ZNF280D: variants seen among roughly 807,000 people sequenced by gnomAD.
The protein encoded by ZNF280D is zinc finger protein 280D.
ZNF280D carries 39 observed loss-of-function variants against 94.7 expected under a neutral mutation model. The observed-to-expected ratio is 0.41, with a 90% CI of 0.32 to 0.54. The LOEUF is 0.54. Ranked by LOEUF, ZNF280D falls within the 20% of genes least tolerant of loss-of-function variation. The pLI is 0.22. For synonymous variants in ZNF280D, 398 were observed against 377.6 expected, an observed-to-expected ratio of 1.05 and a Z score of -0.63; for missense variants, 1,090 against 1,149.3, an observed-to-expected ratio of 0.95 and a Z score of 0.75.
intron 3 of ZNF280D, among the ~76,000 whole-genome samples, chr15:56,704,746 C>T (rs769022990): frequency 6.6e-6 from 1 of 151,980 alleles, no homozygotes. Context: ...TTTGGGAAGC[C>T]GAGACAGACA....
At chr15:56,641,861 T>C (rs546148391) in intron 20 of ZNF280D, among the ~76,000 whole-genome samples, 5 of 151,816 alleles carry the variant, frequency 3.3e-5, no homozygotes, top group Admixed American at 3.3e-4. Context: ...AAGGTAAATA[T>C]AAAGCTAATT....
intron 19 of ZNF280D, among the ~76,000 whole-genome samples, chr15:56,647,156 G>T (rs1396682346): frequency 2.6e-5 from 4 of 152,144 alleles, no homozygotes; most frequent in South Asian, 2.1e-4. Context: ...GGTCTGTATT[G>T]GTAGAAGACA....
In ZNF280D at chr15:56,630,321, C is replaced by A. The variant is rs2052029514; in HGVS notation, c.*1177G>T. On this transcript the variant is annotated 3_prime_UTR_variant, in exon 22 of 22. Coordinates refer to ENST00000267807, the MANE Select transcript of ZNF280D (RefSeq NM_017661.4). ...CACATTTTAAGAAGTAAAAATGAAG[C>A]ATTTTAAATAAAAGTTTATTAGTAT... The A allele has an allele frequency of 6.6e-6, 1 of 152,002 alleles. No homozygotes were observed. Among genetic ancestry groups the A allele is most frequent in the Admixed American group, 6.6e-5 (1 of 15,262 alleles). 9.4% of individuals were successfully genotyped at this position (152,002 alleles called of 1,614,324 possible).
intron 1 of ZNF280D, among the ~76,000 whole-genome samples, chr15:56,708,813 A>G (rs1166436409): frequency 1.3e-5 from 2 of 152,180 alleles, no homozygotes; most frequent in Admixed American, 6.5e-5. Flanking sequence ...ATATGTAGAA[A>G]GCTGAAACTG....
intron 1 of ZNF280D, among the ~76,000 whole-genome samples, chr15:56,721,110 G>T (rs1193241110): frequency 1.3e-5 from 2 of 151,938 alleles, no homozygotes; most frequent in Non-Finnish European, 2.9e-5. Context: ...CTACAGGCAT[G>T]CACCACCACG....
chr15:56,725,340 C>A (rs2058578637), intron 1 of ZNF280D, among the ~76,000 whole-genome samples: 1 of 151,700 alleles, frequency 6.6e-6, no homozygotes, highest in Admixed American at 6.6e-5. Flanking sequence ...GTCCAGAAAC[C>A]CCAAACCTGA....
At chr15:56,658,360 T>G in intron 17 of ZNF280D, 64 bp downstream of exon 17, 2 of 1,239,038 alleles carry the variant, frequency 1.6e-6, no homozygotes, top group South Asian at 2.7e-5. Context: ...AGCTGTTGTG[T>G]TAAAAAAAAT....
intron 1 of ZNF280D, among the ~76,000 whole-genome samples, chr15:56,725,412 T>C (rs1411692252): frequency 6.6e-6 from 1 of 152,152 alleles, no homozygotes; most frequent in Non-Finnish European, 1.5e-5. Flanking sequence ...CAGCACATAT[T>C]AATATATTTT....
intron 7 of ZNF280D, among the ~76,000 whole-genome samples, chr15:56,692,607 G>A (rs558116905): frequency 2.6e-5 from 4 of 152,166 alleles, no homozygotes; most frequent in African/African-American, 9.6e-5. Context: ...TACTTACTAT[G>A]TACAAATCAC....
At chr15:56,646,194 T>A (rs73423643) in intron 19 of ZNF280D, among the ~76,000 whole-genome samples, 3,588 of 152,028 alleles carry the variant, frequency 0.024, 152 homozygotes, top group African/African-American at 0.083. Context: ...GAGGCCAAAA[T>A]GGGAGGATAG....
At chr15:56,663,117 C>T (rs1437127593) in intron 16 of ZNF280D, among the ~76,000 whole-genome samples, 1 of 149,788 alleles carries the variant, frequency 6.7e-6, no homozygotes, top group Non-Finnish European at 1.5e-5. Context: ...AAATCCCATC[C>T]CTACAAAAAA....
intron 20 of ZNF280D, among the ~76,000 whole-genome samples, chr15:56,639,794 C>T (rs2052536257): frequency 6.6e-6 from 1 of 152,024 alleles, no homozygotes; most frequent in Admixed American, 6.6e-5. Context: ...GATGAGTAAG[C>T]CAAGAAATGA....
In ZNF280D at chr15:56,668,853, T is replaced by A. The variant is rs751322754; in HGVS notation, c.1515A>T (p.Lys505Asn). The change falls in exon 14 of 22, where the codon AAA (lysine) becomes AAT (asparagine). Residue 505 changes from lysine to asparagine, a missense_variant. By Grantham distance (94) the Lys-to-Asn change is moderately conservative. Around this residue, in one of 3 missense-constraint regions of ZNF280D, gnomAD observed 577 missense variants for 568.8 expected, o/e 1.01. Transcript: ENST00000267807. ...TTCCAGGAGGCAATCCTTCTAGTTG[T>A]TTAGGTTTTATAAATGTTCGATGGT... ...TQHHRTFIKPKQLEGLPPGTK... is the reference protein window; with the variant it reads ...TQHHRTFIKPNQLEGLPPGTK... 13 of 1,609,484 alleles carry A rather than the reference T, an allele frequency of 8.1e-6. No individual in the cohort carries two copies. The highest frequency in any genetic ancestry group is 1.1e-5 in the Non-Finnish European group (13 of 1,178,222).
In ZNF280D at chr15:56,704,176, A is replaced by G. The variant is rs1163269163; in HGVS notation, c.120T>C (p.Asp40=). Residue 40 remains aspartate (D), a synonymous_variant, in exon 4 of 22, where the codon GAT becomes GAC. Coordinates refer to ENST00000267807, the MANE Select transcript of ZNF280D (RefSeq NM_017661.4). ...QKKVKEVEDD[D]DDEPIFVGEI... is the part of the protein sequence containing the mutation. ...CGCCAACAAAGATTGGCTCATCATC[A>G]TCGTCATCCTCAACTTCTTTTACTT... 8 of 1,613,750 alleles carry G rather than the reference A, an allele frequency of 5.0e-6. No individual in the cohort carries two copies. The highest frequency in any genetic ancestry group is 1.7e-5 in the Admixed American group (1 of 59,962).
intron 1 of ZNF280D, chr15:56,730,612 G>A (rs2058835876): frequency 6.6e-6 from 1 of 152,304 alleles, no homozygotes; most frequent in African/African-American, 2.4e-5. Context: ...TGGCTAAAAT[G>A]GTCCTAAGCA....
intron 10 of ZNF280D, among the ~76,000 whole-genome samples, chr15:56,679,118 A>G (rs1403264980): frequency 6.6e-6 from 1 of 152,138 alleles, no homozygotes; most frequent in Non-Finnish European, 1.5e-5. Context: ...TTTTTTAGAT[A>G]AAAGAACAGG....
chr15:56,723,252 A>AAATG (rs1338079682), intron 1 of ZNF280D, among the ~76,000 whole-genome samples: 10 of 151,762 alleles, frequency 6.6e-5, no homozygotes, highest in African/African-American at 2.2e-4. Context: ...ATAAATAAAT[A>AAATG]ATCAAAGTGA....
chr15:56,699,665 T>A, intron 6 of ZNF280D: 1 of 816,198 alleles, frequency 1.2e-6, no homozygotes, highest in Non-Finnish European at 1.5e-6. Flanking sequence ...TTCTTTCATG[T>A]AACAACAAAA....
intron 1 of ZNF280D, among the ~76,000 whole-genome samples, chr15:56,708,567 T>C (rs2057554654): frequency 6.6e-6 from 1 of 152,160 alleles, no homozygotes; most frequent in Admixed American, 6.5e-5. Flanking sequence ...ATTTTCTTGG[T>C]AAAGCACAGA....
Sources: allele counts gnomAD v4.1 joint callset (sites outside exome capture counted in the v4.1 genomes callset), GRCh38; gene constraint gnomAD v4.1.1; regional missense constraint gnomAD v4.1.1; transcripts MANE v1.5; gene names NCBI Gene and HGNC (gene_info 2026-07-23, HGNC 2026-07-21).